The following CCDC85C variants were observed in gnomAD, a reference collection of about 807,000 sequenced individuals.
CCDC85C encodes coiled-coil domain containing 85C.
CCDC85C carries 18 observed loss-of-function variants against 38.3 expected under a neutral mutation model. That is an observed-to-expected ratio of 0.47 (90% CI 0.33 to 0.70). The LOEUF (loss-of-function observed/expected upper bound fraction) is 0.70. CCDC85C is among the 30% of genes least tolerant of loss of function. CCDC85C has a pLI of 0.03. For missense variants in CCDC85C, 566 were observed against 621.2 expected (o/e 0.91, Z 0.94); for synonymous variants, 264 against 293.8 (o/e 0.90, Z 1.04).
In CCDC85C at chr14:99,535,339, A is replaced by C. The variant is rs967363923; in HGVS notation, c.867+676T>G. Among the ~76,000 whole-genome samples the C allele has an allele frequency of 2.0e-5, 3 of 152,148 alleles. No homozygotes were observed. The highest frequency in any genetic ancestry group is 2.0e-4 in the Admixed American group (3 of 15,280). On this transcript the variant is annotated intron_variant, in intron 2 of 5. Coordinates refer to ENST00000380243, the MANE Select transcript of CCDC85C (RefSeq NM_001144995.2). The surrounding 1 kb of genome is among the most constrained non-coding windows in gnomAD (Gnocchi z 5.5). ...GGAGCGAGCGGCTTGAGAGGTCGCC[A>C]AGCCAGCTGGCCCCCAACACCCAAG...
At chr14:99,574,218 G>A (rs776661471) in intron 1 of CCDC85C, among the ~76,000 whole-genome samples, 13 of 152,252 alleles carry the variant, frequency 8.5e-5, no homozygotes, top group Non-Finnish European at 1.8e-4. Flanking sequence ...CCTGCCCTCA[G>A]CACCAGCAAC....
At chr14:99,553,834 C>G (rs1462032397) in intron 1 of CCDC85C, among the ~76,000 whole-genome samples, 1 of 152,208 alleles carries the variant, frequency 6.6e-6, no homozygotes, top group Non-Finnish European at 1.5e-5. Flanking sequence ...AGGCTGAGGG[C>G]AGGGTCCACC....
intron 5 of CCDC85C, among the ~76,000 whole-genome samples, chr14:99,515,906 G>A (rs909434591): frequency 3.3e-5 from 5 of 152,024 alleles, no homozygotes; most frequent in African/African-American, 9.7e-5. Flanking sequence ...TCCCGGGGGG[G>A]TGGGGGGCTC....
chr14:99,513,449 C>CAA lies in CCDC85C; in HGVS notation c.*1795_*1796dup, dbSNP rs986161948. On this transcript the variant is annotated 3_prime_UTR_variant, in exon 6 of 6. Coordinates refer to ENST00000380243, the MANE Select transcript of CCDC85C (RefSeq NM_001144995.2). ...CACCTGACCGGGCGACACTCCTTCC[C>CAA]AAAGAGCCTCCTGGCAACACCCACG... is the stretch of plus-strand genomic sequence containing the variant. The CAA allele has an allele frequency of 6.6e-6, 1 of 152,300 alleles. No individual in the cohort carries two copies. Among genetic ancestry groups the CAA allele is most frequent in the Non-Finnish European group, 1.5e-5 (1 of 68,096 alleles). 9.4% of individuals were successfully genotyped at this position (152,300 alleles called of 1,614,324 possible).
chr14:99,532,411 G>T (rs1040698182), intron 2 of CCDC85C, among the ~76,000 whole-genome samples: 1 of 152,224 alleles, frequency 6.6e-6, no homozygotes, highest in Non-Finnish European at 1.5e-5. Context: ...GGTCCTGCGG[G>T]CTGGGCAAGG....
At position 99,558,446 on chromosome 14, in the gene CCDC85C, C is replaced by T. The variant is rs553677650; in HGVS notation, c.794-22358G>A. The stretch of plus-strand genomic sequence containing the variant: ...AACCAGCCTGGCCAACATGGTGAAA[C>T]CCCACCTCTACTAAAAATACAAAAA... On this transcript the variant is annotated intron_variant, in intron 1 of 5. Transcript: ENST00000380243. The surrounding 1 kb of genome is among the most constrained non-coding windows in gnomAD (Gnocchi z 4.2). 1.3e-5 allele frequency among the ~76,000 whole-genome samples: 2 copies of T among 152,258 alleles called. No individual in the cohort carries two copies. Among genetic ancestry groups the T allele is most frequent in the African/African-American group, 4.8e-5 (2 of 41,544 alleles).
chr14:99,536,743 T>C (rs1259031827), intron 1 of CCDC85C, among the ~76,000 whole-genome samples: 3 of 152,176 alleles, frequency 2.0e-5, no homozygotes, highest in African/African-American at 7.2e-5. Context: ...GTTTCTGACC[T>C]CAGGCCAAGG....
At chr14:99,560,577 T>C (rs897267377) in intron 1 of CCDC85C, among the ~76,000 whole-genome samples, 72 of 152,280 alleles carry the variant, frequency 4.7e-4, no homozygotes, top group African/African-American at 1.7e-3. Context: ...CACGCCCGCC[T>C]CACAGGGAAG....
rs111754976 is a variant in CCDC85C, at chr14:99,544,489, GGTGTGTGTGT to G, written c.794-8411_794-8402del. On this transcript the variant is annotated intron_variant, in intron 1 of 5. Coordinates refer to ENST00000380243, the MANE Select transcript of CCDC85C (RefSeq NM_001144995.2). The surrounding 1 kb of genome is among the most constrained non-coding windows in gnomAD (Gnocchi z 5.3). Reference sequence around the variant, plus strand: ...ATAAAAACAGGGCTAAAATTTGAAGGGTGTGTGTGTGTGTGTGTGTGTGTGTGTCTGTGTG... The same window carrying G: ...ATAAAAACAGGGCTAAAATTTGAAGGGTGTGTGTGTGTGTGTGTCTGTGTG... Among the ~76,000 whole-genome samples the G allele has an allele frequency of 4.7e-5, 7 of 147,920 alleles. No homozygotes were observed. Among genetic ancestry groups the G allele is most frequent in the East Asian group, 2.0e-4 (1 of 5,056 alleles).
chr14:99,501,108 A>G lies in CCDC85C; in HGVS notation c.*14138T>C, dbSNP rs568442017. 8 of 599,838 alleles carry G rather than the reference A, an allele frequency of 1.3e-5. No homozygotes were observed. In the East Asian group the frequency reaches 2.2e-4, roughly 17 times the overall value. The allele number at this position is 599,838 out of a possible 1,614,324, so 37.2% of individuals were successfully genotyped here. A position where few individuals can be genotyped will look rare whatever the true frequency, so the allele number is the denominator to read the frequency against. On this transcript the variant is annotated 3_prime_UTR_variant, in exon 6 of 6. Transcript: ENST00000380243. ...GGGAGAGGCAGGAAAATGAGGCAGA[A>G]TTTTTTAAATGGACTAATAAACTTA...
chr14:99,596,435 G>C (rs951245840), intron 1 of CCDC85C, among the ~76,000 whole-genome samples: 1 of 152,154 alleles, frequency 6.6e-6, no homozygotes, highest in Non-Finnish European at 1.5e-5. Flanking sequence ...GCCTCTGTTT[G>C]AACAGTACAC....
Position 99,604,166 on chromosome 14 carries a change from T to C in CCDC85C, c.-207A>G, listed in dbSNP as rs1304615743. On this transcript the variant is annotated 5_prime_UTR_variant, in exon 1 of 6. Coordinates refer to ENST00000380243, the MANE Select transcript of CCDC85C (RefSeq NM_001144995.2). ...CTCGGGGTTGACGAGCGGAGGCGGCTGCTGCGTCGGCGGCCGCGGTGCCGG... is the reference window on the plus strand; with the variant it reads ...CTCGGGGTTGACGAGCGGAGGCGGCCGCTGCGTCGGCGGCCGCGGTGCCGG... 2 of 323,526 alleles carry C rather than the reference T, an allele frequency of 6.2e-6. No homozygotes were observed. Among genetic ancestry groups the C allele is most frequent in the African/African-American group, 2.3e-5 (1 of 44,224 alleles). The allele number at this position is 323,526 out of a possible 1,614,324, so 20.0% of individuals were successfully genotyped here. A position where few individuals can be genotyped will look rare whatever the true frequency, so the allele number is the denominator to read the frequency against.
At position 99,514,187 on chromosome 14, in the gene CCDC85C, C is replaced by T. The variant is rs1897183686; in HGVS notation, c.*1059G>A. ...GCCATAAGCATGGCCGAAAAGGAAC[C>T]TCAGAGACCTGTTTCCACCAAGAGC... On this transcript the variant is annotated 3_prime_UTR_variant, in exon 6 of 6. Transcript: ENST00000380243. 6.6e-6 allele frequency: 1 copy of T among 152,436 alleles called. No individual in the cohort carries two copies. The highest frequency in any genetic ancestry group is 6.5e-5 in the Admixed American group (1 of 15,294). The allele number at this position is 152,436 out of a possible 1,614,324, so 9.4% of individuals were successfully genotyped here. A position where few individuals can be genotyped will look rare whatever the true frequency, so the allele number is the denominator to read the frequency against.
rs1005497115 is a variant in CCDC85C, at chr14:99,533,376, G to A, written c.867+2639C>T. ...ACACAGAGATACAAGCTCCTTCAGC[G>A]ACCACTCCAGCAGCATGGCTTGACT... On this transcript the variant is annotated intron_variant, in intron 2 of 5. Coordinates refer to ENST00000380243, the MANE Select transcript of CCDC85C (RefSeq NM_001144995.2). The surrounding 1 kb of genome is among the most constrained non-coding windows in gnomAD (Gnocchi z 4.2). Among the ~76,000 whole-genome samples, 21 of 152,222 alleles carry A rather than the reference G, an allele frequency of 1.4e-4. No individual in the cohort carries two copies. Among genetic ancestry groups the A allele is most frequent in the African/African-American group, 4.1e-4 (17 of 41,454 alleles).
chr14:99,539,400 G>A (rs1595351024), intron 1 of CCDC85C, among the ~76,000 whole-genome samples: 1 of 150,558 alleles, frequency 6.6e-6, no homozygotes, highest in East Asian at 2.0e-4. Context: ...AACCTGGGAG[G>A]CGGGGGTTGC....
In CCDC85C at chr14:99,543,486, G is replaced by A. The variant is rs144683706; in HGVS notation, c.794-7398C>T. Among the ~76,000 whole-genome samples the A allele has an allele frequency of 1.7e-4, 26 of 152,258 alleles. No individual in the cohort carries two copies. In the East Asian group the frequency reaches 4.8e-3, roughly 28 times the overall value. On this transcript the variant is annotated intron_variant, in intron 1 of 5. Transcript: ENST00000380243. ...AACGCAAAGAGTGGAGCAAGGAGGC[G>A]CAGCCCAGGAGAGAGGGGCAGAGAA...
chr14:99,540,576 C>T (rs1372539826), intron 1 of CCDC85C, among the ~76,000 whole-genome samples: 1 of 152,232 alleles, frequency 6.6e-6, no homozygotes, highest in Non-Finnish European at 1.5e-5. Context: ...CATTTCCCAG[C>T]TTGGCTGCCT....
intron 1 of CCDC85C, among the ~76,000 whole-genome samples, chr14:99,600,283 G>A (rs1198139996): frequency 6.6e-6 from 1 of 152,208 alleles, no homozygotes; most frequent in Non-Finnish European, 1.5e-5. Context: ...GGGGCACTCT[G>A]GGTTCTGTCC....
intron 1 of CCDC85C, among the ~76,000 whole-genome samples, chr14:99,577,918 G>GTGTC (rs144754896): frequency 0.018 from 1,572 of 85,670 alleles, 40 homozygotes; most frequent in African/African-American, 0.088. Flanking sequence ...TCCCCCATCA[G>GTGTC]TGTGTGTGTG....
Sources: allele counts gnomAD v4.1 joint callset (sites outside exome capture counted in the v4.1 genomes callset), GRCh38; gene constraint gnomAD v4.1.1; non-coding constraint Gnocchi (gnomAD v3.1); transcripts MANE v1.5; gene names NCBI Gene and HGNC (gene_info 2026-07-23, HGNC 2026-07-21).